The following TRAF5 variants were observed in gnomAD, a reference collection of about 807,000 sequenced individuals.
TRAF5 encodes the protein TNF receptor-associated factor 5.
Under a neutral mutation model 64.5 loss-of-function variants are expected in TRAF5, and 48 were observed. That is an observed-to-expected ratio of 0.74 (90% CI 0.59 to 0.95). The LOEUF is 0.95. TRAF5 is among the 40% of genes least tolerant of loss of function. The pLI is 0.00. For synonymous variants in TRAF5, 206 were observed against 240.5 expected, an observed-to-expected ratio of 0.86 and a Z score of 1.33; for missense variants, 545 against 662.8, an observed-to-expected ratio of 0.82 and a Z score of 1.95.
chr1:211,326,934 GGCCGGGGTGGGGACACCGACGA>G lies in TRAF5; in HGVS notation c.-2+48_-2+69del, dbSNP rs1217294641. The G allele has an allele frequency of 1.0e-6, 1 of 983,050 alleles. No homozygotes were observed. Among genetic ancestry groups the G allele is most frequent in the Admixed American group, 6.2e-5 (1 of 16,194 alleles). The allele number at this position is 983,050 out of a possible 1,614,324, so 60.9% of individuals were successfully genotyped here. ...GCCCTGGGCACCCTCGCGACGGAAGGGCCGGGGTGGGGACACCGACGAGCGCTTTTCATCTCGTCCCAGTTAC... is the reference window on the plus strand; with the variant it reads ...GCCCTGGGCACCCTCGCGACGGAAGGGCGCTTTTCATCTCGTCCCAGTTAC... On this transcript the variant is annotated intron_variant, in intron 1 of 10. Coordinates refer to ENST00000261464, the MANE Select transcript of TRAF5 (RefSeq NM_001033910.3). The surrounding 1 kb of genome is among the most constrained non-coding windows in gnomAD (Gnocchi z 5.0).
chr1:211,347,417 A>T (rs1418694631), intron 1 of TRAF5, among the ~76,000 whole-genome samples: 1 of 152,182 alleles, frequency 6.6e-6, no homozygotes, highest in Non-Finnish European at 1.5e-5. Context: ...CTAGAACCTC[A>T]CCCAGAAAGA....
At chr1:211,371,266 A>G (rs2289758) in intron 9 of TRAF5, 36 bp from the exon 10 acceptor site, 42,200 of 1,536,840 alleles carry the variant, frequency 0.027, 1,897 homozygotes, top group East Asian at 0.24. Context: ...ATATTAACTA[A>G]TTTTTTAAAC....
At chr1:211,337,362 A>AT (rs1702330085) in intron 1 of TRAF5, among the ~76,000 whole-genome samples, 1 of 152,192 alleles carries the variant, frequency 6.6e-6, no homozygotes, top group South Asian at 2.1e-4. Flanking sequence ...TCTGCTGTTC[A>AT]AGAAGACGCA....
intron 1 of TRAF5, among the ~76,000 whole-genome samples, chr1:211,347,543 G>C (rs973869826): frequency 9.2e-5 from 14 of 152,240 alleles, no homozygotes; most frequent in African/African-American, 3.4e-4. Context: ...TAACCGATTA[G>C]AGAGTGAACA....
intron 3 of TRAF5, among the ~76,000 whole-genome samples, chr1:211,355,633 G>A (rs1702937937): frequency 6.6e-6 from 1 of 152,202 alleles, no homozygotes; most frequent in African/African-American, 2.4e-5. Context: ...GCATACTACA[G>A]TCTTGGGACA....
At chr1:211,348,659 G>A (rs142455910) in intron 1 of TRAF5, among the ~76,000 whole-genome samples, 30 of 152,146 alleles carry the variant, frequency 2.0e-4, no homozygotes, top group African/African-American at 7.0e-4. Context: ...TTTGTGAAGG[G>A]TGTCAGGTCT....
intron 1 of TRAF5, among the ~76,000 whole-genome samples, chr1:211,336,103 T>C (rs1307652966): frequency 6.6e-6 from 1 of 152,180 alleles, no homozygotes; most frequent in Non-Finnish European, 1.5e-5. Flanking sequence ...AAGGAACAGC[T>C]GGCTTTGTGC....
At chr1:211,361,236 G>A (rs773046401) in intron 7 of TRAF5, 74 bp downstream of exon 7, 8 of 1,343,292 alleles carry the variant, frequency 6.0e-6, no homozygotes, top group East Asian at 2.3e-5. Flanking sequence ...TTTACTCTCT[G>A]TTCCATCGAG....
chr1:211,335,392 C>T (rs1401303553), intron 1 of TRAF5, among the ~76,000 whole-genome samples: 1 of 152,170 alleles, frequency 6.6e-6, no homozygotes, highest in Non-Finnish European at 1.5e-5. Context: ...TTATGGCACC[C>T]CAAGTGGCAA....
intron 1 of TRAF5, among the ~76,000 whole-genome samples, chr1:211,347,404 A>G (rs1281456159): frequency 6.6e-6 from 1 of 152,312 alleles, no homozygotes; most frequent in Non-Finnish European, 1.5e-5. Flanking sequence ...CTCTGTTTAT[A>G]TACTAGAACC....
At chr1:211,337,011 C>T (rs56380051) in intron 1 of TRAF5, among the ~76,000 whole-genome samples, 25,061 of 152,108 alleles carry the variant, frequency 0.16, 2,170 homozygotes, top group African/African-American at 0.22. Context: ...GGATTAAAGG[C>T]GTGAGCCGCT....
At chr1:211,334,647 G>C (rs1225344098) in intron 1 of TRAF5, among the ~76,000 whole-genome samples, 1 of 152,150 alleles carries the variant, frequency 6.6e-6, no homozygotes, top group African/African-American at 2.4e-5. Flanking sequence ...GACAGAGTGA[G>C]ACCCCGTCTC....
At chr1:211,362,290 T>G (rs1405088495) in intron 7 of TRAF5, among the ~76,000 whole-genome samples, 2 of 152,280 alleles carry the variant, frequency 1.3e-5, no homozygotes, top group Non-Finnish European at 2.9e-5. Context: ...ATGCTCTGTA[T>G]TATTCTGTAT....
At chr1:211,345,986 G>C (rs925355988) in intron 1 of TRAF5, among the ~76,000 whole-genome samples, 9 of 152,206 alleles carry the variant, frequency 5.9e-5, no homozygotes, top group Non-Finnish European at 1.2e-4. Context: ...GCAAGAGTAG[G>C]GGGTGGATCT....
intron 7 of TRAF5, among the ~76,000 whole-genome samples, chr1:211,361,691 GGT>G (rs1703185382): frequency 2.3e-5 from 3 of 130,648 alleles, no homozygotes; most frequent in South Asian, 2.4e-4. Context: ...TAATTATTCG[GGT>G]TTTTTTTTTT....
rs1225454228 is a variant in TRAF5, at chr1:211,360,751, A to G, written c.593A>G (p.Asn198Ser). Residue 198 changes from asparagine to serine, a missense_variant, in exon 6 of 11, where the codon AAT becomes AGT. Asn to Ser is a conservative substitution (Grantham distance 46). Transcript: ENST00000261464. ...GAATACCCAGTATTTTGTCCCAACAATTGTGCGAAGATTATTCTAAAAACT... is the reference window on the plus strand; with the variant it reads ...GAATACCCAGTATTTTGTCCCAACAGTTGTGCGAAGATTATTCTAAAAACT... Reference protein sequence around the residue: ...CPEYPVFCPNNCAKIILKTEV... With the variant: ...CPEYPVFCPNSCAKIILKTEV... 8 of 1,613,920 alleles carry G rather than the reference A, an allele frequency of 5.0e-6. No homozygotes were observed. Among genetic ancestry groups the G allele is most frequent in the Non-Finnish European group, 6.8e-6 (8 of 1,179,942 alleles).
At chr1:211,333,289 A>T (rs1013527039) in intron 1 of TRAF5, among the ~76,000 whole-genome samples, 1 of 152,016 alleles carries the variant, frequency 6.6e-6, no homozygotes, top group Non-Finnish European at 1.5e-5. Context: ...CCCGGGTTCA[A>T]GCGATTCTCC....
At chr1:211,354,588 C>A in intron 3 of TRAF5, 121 bp downstream of exon 3, 1 of 1,003,206 alleles carries the variant, frequency 1.0e-6, no homozygotes, top group Non-Finnish European at 1.5e-6. Flanking sequence ...AGTCCATATT[C>A]TTCTGCTGTG....
chr1:211,359,747 G>A (rs1273567146), intron 4 of TRAF5, 165 bp from the exon 5 acceptor site: 3 of 675,196 alleles, frequency 4.4e-6, no homozygotes, highest in African/African-American at 3.6e-5. Flanking sequence ...CCTCAGCAGA[G>A]ACAGTGGGCA....
Sources: gnomAD v4.1 joint callset for allele counts (sites outside exome capture counted in the v4.1 genomes callset) on GRCh38, gnomAD v4.1.1 for gene constraint, Gnocchi (gnomAD v3.1) non-coding constraint, MANE v1.5 for transcripts, NCBI Gene and HGNC (gene_info 2026-07-23, HGNC 2026-07-21) for gene names.